The following COL14A1 variants were observed in gnomAD, a reference collection of about 807,000 sequenced individuals.
COL14A1 encodes collagen type XIV alpha 1 chain.
COL14A1 carries 136 observed loss-of-function variants against 230.3 expected under a neutral mutation model. That is an observed-to-expected ratio of 0.59 (90% confidence interval 0.51 to 0.68). The LOEUF is 0.68. COL14A1 is among the 30% of genes least tolerant of loss of function. The pLI, the probability that COL14A1 is intolerant of heterozygous loss-of-function variation, is 0.00. For synonymous variants in COL14A1, 792 were observed against 784.1 expected (o/e 1.01, Z -0.17); for missense variants, 1,976 against 2,215.8 (o/e 0.89, Z 2.17).
intron 3 of COL14A1, among the ~76,000 whole-genome samples, chr8:120,161,826 G>T (rs1815682394): frequency 6.6e-6 from 1 of 152,108 alleles, no homozygotes. Context: ...ACCACGGCTG[G>T]TTAATTTTGT....
At chr8:120,308,110 T>C (rs1307312989) in intron 36 of COL14A1, among the ~76,000 whole-genome samples, 1 of 152,154 alleles carries the variant, frequency 6.6e-6, no homozygotes, top group East Asian at 1.9e-4. Context: ...ACCTCCCAAA[T>C]AGCTGGGATT....
intron 36 of COL14A1, among the ~76,000 whole-genome samples, chr8:120,301,069 A>G (rs1405264873): frequency 6.6e-6 from 1 of 152,122 alleles, no homozygotes; most frequent in Non-Finnish European, 1.5e-5. Flanking sequence ...ACGATGTCTC[A>G]TACTGGTCTA....
Position 120,168,236 on chromosome 8 carries a change from C to T in COL14A1, c.425C>T (p.Ser142Phe). 1 of 1,609,746 alleles carries T rather than the reference C, an allele frequency of 6.2e-7. No individual in the cohort carries two copies. Among genetic ancestry groups the T allele is most frequent in the Non-Finnish European group, 8.5e-7 (1 of 1,177,412 alleles). The change falls in exon 5 of 48, where the codon TCT becomes TTT. Residue 142 changes from serine to phenylalanine, a missense_variant. By Grantham distance (155) the Ser-to-Phe change is radical (BLOSUM62 -2). This residue lies in a region of COL14A1 where 181 missense variants were observed against 178.6 expected (regional missense o/e 1.01). Transcript: ENST00000297848. ...VVDRGNGSRP[S>F]SPEEVKFVCQ... The stretch of plus-strand genomic sequence containing the variant: ...GACAGAGGAAATGGGAGTAGACCAT[C>T]TTCACCAGAAGGTCAGAGACGATTT...
chr8:120,198,137 G>A (rs1052841941), intron 7 of COL14A1, among the ~76,000 whole-genome samples: 2 of 152,202 alleles, frequency 1.3e-5, no homozygotes, highest in African/African-American at 4.8e-5. Context: ...GTCCCAGGAA[G>A]GGCTTGGTTG....
chr8:120,181,814 T>C (rs1201069747), intron 5 of COL14A1, among the ~76,000 whole-genome samples: 2 of 152,132 alleles, frequency 1.3e-5, no homozygotes, highest in Non-Finnish European at 2.9e-5. Flanking sequence ...TAGCCAGGCA[T>C]GGTGGCATGC....
intron 14 of COL14A1, among the ~76,000 whole-genome samples, chr8:120,223,663 C>A (rs1407814256): frequency 6.6e-6 from 1 of 152,074 alleles, no homozygotes; most frequent in Non-Finnish European, 1.5e-5. Context: ...AGAGCAAGAA[C>A]CTGTCTCCAA....
chr8:120,194,034 C>A (rs914515568), intron 5 of COL14A1, among the ~76,000 whole-genome samples: 1 of 152,212 alleles, frequency 6.6e-6, no homozygotes, highest in African/African-American at 2.4e-5. Flanking sequence ...TGCTTCGGCT[C>A]GCGCACGGTG....
chr8:120,198,112 C>T, intron 7 of COL14A1, among the ~76,000 whole-genome samples, 182 bp downstream of exon 7: 1 of 152,146 alleles, frequency 6.6e-6, no homozygotes, highest in Non-Finnish European at 1.5e-5. Flanking sequence ...ATTCCTTTTA[C>T]TCTATGACTA....
chr8:120,197,822 T>C lies in COL14A1; in HGVS notation c.604T>C (p.Tyr202His). Residue 202 changes from tyrosine to histidine, a missense_variant, in exon 7 of 48, where the codon TAT becomes CAT. Tyr to His is a moderately conservative substitution (Grantham distance 83, BLOSUM62 2). Coordinates refer to ENST00000297848, the MANE Select transcript of COL14A1 (RefSeq NM_021110.4). ...SEKTRIGLAQ[Y>H]SGDPRIEWHL... is the part of the protein sequence containing the mutation. ...ATCTTTTTTTCCAGGTCTTGCACAG[T>C]ATAGTGGTGACCCCAGAATAGAATG... The C allele has an allele frequency of 1.9e-6, 3 of 1,613,732 alleles. No individual in the cohort carries two copies. Among genetic ancestry groups the C allele is most frequent in the Non-Finnish European group, 2.5e-6 (3 of 1,179,706 alleles).
chr8:120,317,066 T>C (rs1415512911), intron 40 of COL14A1, among the ~76,000 whole-genome samples: 1 of 152,220 alleles, frequency 6.6e-6, no homozygotes, highest in African/African-American at 2.4e-5. Context: ...TTCCTTAAAC[T>C]GTCACCGATT....
intron 3 of COL14A1, among the ~76,000 whole-genome samples, chr8:120,161,868 T>C (rs1412982211): frequency 1.3e-5 from 2 of 152,182 alleles, no homozygotes; most frequent in African/African-American, 4.8e-5. Flanking sequence ...TTTCACCACA[T>C]TGGCCAGGCT....
At chr8:120,345,006 A>G (rs1294993163) in intron 44 of COL14A1, among the ~76,000 whole-genome samples, 1 of 152,160 alleles carries the variant, frequency 6.6e-6, no homozygotes, top group Non-Finnish European at 1.5e-5. Flanking sequence ...CGTTTTAGAA[A>G]AGAAAAATAA....
chr8:120,367,434 A>T (rs1045610806), intron 46 of COL14A1, among the ~76,000 whole-genome samples, 186 bp downstream of exon 46: 1 of 152,222 alleles, frequency 6.6e-6, no homozygotes, highest in Non-Finnish European at 1.5e-5. Context: ...AAAAAGTTAG[A>T]GCATATTCTG....
intron 27 of COL14A1, 65 bp downstream of exon 27, chr8:120,278,299 C>A (rs574892798): frequency 3.3e-6 from 5 of 1,523,702 alleles, no homozygotes; most frequent in African/African-American, 1.4e-5. Context: ...CTGAAATGAC[C>A]TTTTATTTTA....
At chr8:120,203,206 T>A (rs1817313640) in intron 8 of COL14A1, among the ~76,000 whole-genome samples, 1 of 151,862 alleles carries the variant, frequency 6.6e-6, no homozygotes, top group African/African-American at 2.4e-5. Flanking sequence ...ATCTAATCAT[T>A]TAAAAACGAT....
chr8:120,300,043 G>T (rs1328370151), intron 35 of COL14A1, among the ~76,000 whole-genome samples: 1 of 152,116 alleles, frequency 6.6e-6, no homozygotes, highest in African/African-American at 2.4e-5. Context: ...GCTGTTAGCA[G>T]GTGCTCTGTC....
Position 120,242,298 on chromosome 8 carries a change from G to T in COL14A1, c.2350-1581G>T, listed in dbSNP as rs143262627. Among the ~76,000 whole-genome samples, 45 of 152,284 alleles carry T rather than the reference G, an allele frequency of 3.0e-4. No homozygotes were observed. In the East Asian group the frequency reaches 8.5e-3, roughly 29 times the overall value. On this transcript the variant is annotated intron_variant, in intron 19 of 47. Transcript: ENST00000297848. The stretch of plus-strand genomic sequence containing the variant: ...TGGCACATAGTAATTGCTAGGTAAG[G>T]GAAGCCTCTTACTATAAATCACAGC...
chr8:120,145,942 T>C (rs1194962554), intron 1 of COL14A1, among the ~76,000 whole-genome samples: 2 of 152,228 alleles, frequency 1.3e-5, no homozygotes, highest in African/African-American at 4.8e-5. Context: ...TCTTTGTTTT[T>C]GTAAGCAGAA....
intron 1 of COL14A1, among the ~76,000 whole-genome samples, chr8:120,129,209 GA>G (rs1264846172): frequency 6.6e-6 from 1 of 152,130 alleles, no homozygotes; most frequent in Non-Finnish European, 1.5e-5. Flanking sequence ...CTGCAGAATG[GA>G]AAATAAAGAT....
Sources: allele counts gnomAD v4.1 joint callset (sites outside exome capture counted in the v4.1 genomes callset), GRCh38; gene constraint gnomAD v4.1.1; regional missense constraint gnomAD v4.1.1; transcripts MANE v1.5; gene names NCBI Gene and HGNC (gene_info 2026-07-23, HGNC 2026-07-21).